Variants in MLKL observed in about 807,000 individuals in gnomAD.
MLKL encodes the protein mixed lineage kinase domain-like protein.
Under a neutral mutation model 56.5 loss-of-function variants are expected in MLKL, and 55 were observed. The observed-to-expected ratio is 0.97, with a 90% confidence interval of 0.78 to 1.22. The LOEUF (loss-of-function observed/expected upper bound fraction) is 1.22, where lower values mean the gene tolerates loss of function less well. Ranked by LOEUF, MLKL falls within the 50% of genes most tolerant of loss-of-function variation. The probability of loss-of-function intolerance (pLI) is 0.00; values close to 1 mark genes in which losing one functional copy is unlikely to be tolerated. For synonymous variants in MLKL, 251 were observed against 208.3 expected (o/e 1.20, Z -1.76); for missense variants, 694 against 573.9 (o/e 1.21, Z -2.14).
At chr16:74,696,049 G>C (rs909255547) in intron 1 of MLKL, among the ~76,000 whole-genome samples, 42 of 152,304 alleles carry the variant, frequency 2.8e-4, no homozygotes, top group African/African-American at 8.2e-4. Context: ...AAGTGCATGT[G>C]ACCTGCTCTA....
chr16:74,699,851 G>C (rs993861802), intron 1 of MLKL, among the ~76,000 whole-genome samples: 2 of 152,198 alleles, frequency 1.3e-5, no homozygotes, highest in African/African-American at 4.8e-5. Flanking sequence ...TCTGGTTGGA[G>C]GATCACTTGA....
At chr16:74,684,006 G>T (rs573014455) in intron 5 of MLKL, among the ~76,000 whole-genome samples, 1 of 152,196 alleles carries the variant, frequency 6.6e-6, no homozygotes, top group Admixed American at 6.5e-5. Context: ...GGAGTGCAGT[G>T]GCATGATATT....
intron 6 of MLKL, among the ~76,000 whole-genome samples, chr16:74,680,622 T>A (rs182272914): frequency 0.019 from 2,962 of 152,282 alleles, 44 homozygotes; most frequent in South Asian, 0.05. Context: ...TTCTCCTGCC[T>A]CAGCCTTACG....
intron 7 of MLKL, chr16:74,676,127 G>A (rs2144449383): frequency 5.0e-6 from 2 of 398,662 alleles, no homozygotes; most frequent in South Asian, 1.6e-4. Context: ...TCCACTCAGT[G>A]AGAGTGGAGA....
intron 1 of MLKL, among the ~76,000 whole-genome samples, chr16:74,697,090 C>A (rs1362627071): frequency 6.6e-6 from 1 of 150,582 alleles, no homozygotes; most frequent in Non-Finnish European, 1.5e-5. Context: ...GTGGCACACA[C>A]CCGTAGTCTC....
intron 7 of MLKL, chr16:74,678,240 T>C (rs1044140484): frequency 3.3e-5 from 5 of 152,370 alleles, no homozygotes; most frequent in African/African-American, 1.2e-4. Flanking sequence ...GAATGACAAG[T>C]GTGGCCTAGA....
intron 7 of MLKL, chr16:74,676,593 G>T: frequency 2.2e-6 from 1 of 457,162 alleles, no homozygotes; most frequent in Non-Finnish European, 2.9e-6. Context: ...TTATAGTCAG[G>T]CTGCATGAAG....
intron 3 of MLKL, 81 bp downstream of exon 3, chr16:74,692,261 T>C: frequency 8.1e-7 from 1 of 1,240,518 alleles, no homozygotes; most frequent in South Asian, 1.3e-5. Flanking sequence ...AATGCAGGGG[T>C]AGCGGGAGGC....
intron 5 of MLKL, among the ~76,000 whole-genome samples, chr16:74,683,284 C>T (rs1384476666): frequency 7.8e-6 from 1 of 128,040 alleles, no homozygotes; most frequent in Non-Finnish European, 1.6e-5. Flanking sequence ...CAGAGTGACA[C>T]TACATCTCAA....
intron 9 of MLKL, 37 bp downstream of exon 9, chr16:74,675,318 C>G: frequency 6.2e-7 from 1 of 1,614,020 alleles, no homozygotes; most frequent in Non-Finnish European, 8.5e-7. Flanking sequence ...GGGGACCCAA[C>G]CTCACCACTG....
intron 4 of MLKL, among the ~76,000 whole-genome samples, chr16:74,687,195 C>G (rs1039164755): frequency 3.9e-5 from 6 of 152,186 alleles, no homozygotes; most frequent in African/African-American, 9.6e-5. Flanking sequence ...AGACTAGTCT[C>G]GAACTCCTGA....
chr16:74,693,288 T>G (rs1275493653), intron 2 of MLKL, among the ~76,000 whole-genome samples: 1 of 151,528 alleles, frequency 6.6e-6, no homozygotes, highest in African/African-American at 2.4e-5. Flanking sequence ...GTAGAGATAG[T>G]GAAACCCCGT....
intron 3 of MLKL, among the ~76,000 whole-genome samples, chr16:74,691,992 T>C (rs1404280015): frequency 6.6e-6 from 1 of 152,234 alleles, no homozygotes; most frequent in African/African-American, 2.4e-5. Context: ...ATAAACCAGA[T>C]ACTCACAGTT....
At chr16:74,688,126 C>T (rs565397008) in intron 4 of MLKL, among the ~76,000 whole-genome samples, 8 of 152,164 alleles carry the variant, frequency 5.3e-5, no homozygotes, top group East Asian at 1.9e-4. Flanking sequence ...GCCCAGCCAA[C>T]GCCCGGCTAA....
chr16:74,695,457 C>A lies in MLKL; in HGVS notation c.301G>T (p.Val101Leu), dbSNP rs778715646. The A allele has an allele frequency of 1.2e-6, 2 of 1,614,218 alleles. No homozygotes were observed. Among genetic ancestry groups the A allele is most frequent in the Admixed American group, 1.7e-5 (1 of 60,024 alleles). Residue 101 changes from valine to leucine, a missense_variant, in exon 2 of 11, where the codon GTG becomes TTG. By Grantham distance (32) the Val-to-Leu change is conservative. Coordinates refer to ENST00000308807, the MANE Select transcript of MLKL (RefSeq NM_152649.4). ...ASQDKILFKD[V>L]NRKLSDVWKE... is the part of the protein sequence containing the mutation. ...CAGACATCACTCAGCTTCCTGTTCACGTCCTTGAAGAGTATTTTGTCCTGG... is the reference window on the plus strand; with the variant it reads ...CAGACATCACTCAGCTTCCTGTTCAAGTCCTTGAAGAGTATTTTGTCCTGG...
Position 74,675,420 on chromosome 16 carries a change from G to C in MLKL, c.1191-16C>G. The C allele has an allele frequency of 6.2e-7, 1 of 1,612,790 alleles. No homozygotes were observed. The highest frequency in any genetic ancestry group is 8.5e-7 in the Non-Finnish European group (1 of 1,179,838). On this transcript the variant is annotated splice_polypyrimidine_tract_variant and intron_variant, in intron 8 of 10. Transcript: ENST00000308807. ...GATTCCAAAGCTAAAAGAAAACCAA[G>C]AAACTGAACAACCATAACTAGTCTC... is the stretch of plus-strand genomic sequence containing the variant.
chr16:74,672,916 A>G (rs1447406569), intron 10 of MLKL, among the ~76,000 whole-genome samples: 4 of 152,166 alleles, frequency 2.6e-5, no homozygotes, highest in African/African-American at 9.7e-5. Context: ...CACCCCAAAG[A>G]CCAATTTTTC....
At chr16:74,675,301 A>C (rs1468777995) in intron 9 of MLKL, 54 bp downstream of exon 9, 1 of 1,612,550 alleles carries the variant, frequency 6.2e-7, no homozygotes, top group Non-Finnish European at 8.5e-7. Flanking sequence ...TTTCTGGTCT[A>C]CTGGAAGGGG....
chr16:74,684,340 T>C (rs1960183599), intron 5 of MLKL, among the ~76,000 whole-genome samples: 1 of 149,130 alleles, frequency 6.7e-6, no homozygotes, highest in South Asian at 2.1e-4. Context: ...CAGGAGTTGC[T>C]CTGTCCAATC....
Sources: gnomAD v4.1 joint callset for allele counts (sites outside exome capture counted in the v4.1 genomes callset) on GRCh38, gnomAD v4.1.1 for gene constraint, MANE v1.5 for transcripts, NCBI Gene and HGNC (gene_info 2026-07-23, HGNC 2026-07-21) for gene names.